The following SYCP2L variants were observed in gnomAD, a reference collection of about 807,000 sequenced individuals.
SYCP2L encodes the protein synaptonemal complex protein 2 like.
A neutral mutation model predicts 125.8 loss-of-function variants in SYCP2L; 98 were observed. The observed-to-expected ratio is 0.78, with a 90% CI of 0.66 to 0.92. The LOEUF is 0.92. Ranked by LOEUF, SYCP2L falls within the 40% of genes least tolerant of loss-of-function variation. SYCP2L has a pLI of 0.00. For synonymous variants in SYCP2L, 317 were observed against 325.4 expected (o/e 0.97, Z 0.28); for missense variants, 842 against 936.4 (o/e 0.90, Z 1.32).
At chr6:10,899,192 G>A (rs1303816338) in intron 6 of SYCP2L, among the ~76,000 whole-genome samples, 2 of 152,216 alleles carry the variant, frequency 1.3e-5, no homozygotes, top group Non-Finnish European at 2.9e-5. Context: ...TTTCAAGAGT[G>A]TAAAAGGTAA....
chr6:10,914,596 T>G (rs934198350), intron 14 of SYCP2L, among the ~76,000 whole-genome samples: 2 of 74,370 alleles, frequency 2.7e-5, no homozygotes, highest in Non-Finnish European at 5.7e-5. Context: ...CTTTTGGCAG[T>G]GTGATCATTT....
chr6:10,952,715 A>G (rs769057612), intron 23 of SYCP2L, among the ~76,000 whole-genome samples: 4 of 152,206 alleles, frequency 2.6e-5, no homozygotes, highest in Admixed American at 2.0e-4. Flanking sequence ...TGACTGCGGT[A>G]TAGACACCAC....
At chr6:10,937,168 A>G (rs947595384) in intron 21 of SYCP2L, among the ~76,000 whole-genome samples, 1 of 152,180 alleles carries the variant, frequency 6.6e-6, no homozygotes, top group African/African-American at 2.4e-5. Flanking sequence ...CGCATGGGAC[A>G]TTCTCCAGAA....
chr6:10,895,934 C>T (rs1780251512), intron 4 of SYCP2L, among the ~76,000 whole-genome samples: 1 of 152,122 alleles, frequency 6.6e-6, no homozygotes, highest in Admixed American at 6.5e-5. Context: ...GGGCAGATCA[C>T]CTGAGGTCAG....
At chr6:10,938,288 TA>T (rs1472420887) in intron 21 of SYCP2L, among the ~76,000 whole-genome samples, 1 of 152,138 alleles carries the variant, frequency 6.6e-6, no homozygotes, top group Non-Finnish European at 1.5e-5. Flanking sequence ...TAAACCACAT[TA>T]AGAGAATGAA....
chr6:10,920,804 A>C (rs1780785475), intron 14 of SYCP2L, among the ~76,000 whole-genome samples: 1 of 151,728 alleles, frequency 6.6e-6, no homozygotes, highest in African/African-American at 2.4e-5. Flanking sequence ...TCATGGAAAG[A>C]AGGTAAATGT....
chr6:10,937,368 G>A lies in SYCP2L; in HGVS notation c.1813+2181G>A, dbSNP rs147644797. Among the ~76,000 whole-genome samples the A allele has an allele frequency of 9.2e-5, 14 of 152,010 alleles. No individual in the cohort carries two copies. The East Asian group carries it at 2.7e-3, about 29-fold the overall frequency. ...ACCAATGGATCAAATAAATTAAAAGGGAAATTAAAAAATCTTGAGATAAAT... is the reference window on the plus strand; with the variant it reads ...ACCAATGGATCAAATAAATTAAAAGAGAAATTAAAAAATCTTGAGATAAAT... On this transcript the variant is annotated intron_variant, in intron 21 of 29. Transcript: ENST00000283141.
At chr6:10,924,706 TC>T in intron 15 of SYCP2L, 65 bp downstream of exon 15, 1 of 1,334,444 alleles carries the variant, frequency 7.5e-7, no homozygotes. Context: ...CTATTAAATG[TC>T]CTTGTTGGGT....
intron 10 of SYCP2L, among the ~76,000 whole-genome samples, chr6:10,908,522 T>C (rs563276772): frequency 6.6e-6 from 1 of 152,338 alleles, no homozygotes; most frequent in Admixed American, 6.5e-5. Flanking sequence ...CTTTGCTGTG[T>C]ATTCACCTTC....
intron 1 of SYCP2L, among the ~76,000 whole-genome samples, chr6:10,890,005 C>G (rs1780148277): frequency 6.6e-6 from 1 of 152,148 alleles, no homozygotes; most frequent in African/African-American, 2.4e-5. Context: ...AGCATAATGT[C>G]CTTCAGGCTC....
chr6:10,887,260 A>T lies in SYCP2L; in HGVS notation c.9+125A>T, dbSNP rs956708100. 3.1e-5 allele frequency: 41 copies of T among 1,312,358 alleles called. No individual in the cohort carries two copies. In the African/African-American group the frequency reaches 5.9e-4, roughly 19 times the overall value. 81.3% of individuals were successfully genotyped at this position (1,312,358 alleles called of 1,614,324 possible). ...CGCTCAGAGACCGGGTGCTGGGCAT[A>T]GTCCCCCGCCACCTCCTTGGGTTTG... On this transcript the variant is annotated intron_variant, in intron 1 of 29. Transcript: ENST00000283141.
chr6:10,958,346 C>T lies in SYCP2L; in HGVS notation c.2164-438C>T, dbSNP rs78390827. Among the ~76,000 whole-genome samples the T allele has an allele frequency of 1.0e-2, 1,519 of 152,088 alleles. 14 individuals carry two copies. Among genetic ancestry groups the T allele is most frequent in the Middle Eastern group, 0.02 (6 of 294 alleles). The stretch of plus-strand genomic sequence containing the variant: ...TGGTGGAAGGCCAAGGGGGAGCAGG[C>T]GTGTCACATAGGGAGAGCAGGAGCA... On this transcript the variant is annotated intron_variant, in intron 25 of 29. Coordinates refer to ENST00000283141, the MANE Select transcript of SYCP2L (RefSeq NM_001040274.3).
At chr6:10,926,141 C>T (rs1384369319) in intron 15 of SYCP2L, among the ~76,000 whole-genome samples, 198 bp from the exon 16 acceptor site, 3 of 152,094 alleles carry the variant, frequency 2.0e-5, no homozygotes, top group African/African-American at 4.8e-5. Flanking sequence ...GAATGGCTAG[C>T]CCGAGCTGGT....
rs1402185704 is a variant in SYCP2L at position 10,926,351 on chromosome 6, C to G, written c.1231C>G (p.Gln411Glu). Residue 411 changes from glutamine (Q) to glutamate (E), a missense_variant, in exon 16 of 30, where the codon CAG becomes GAG. Physicochemically the swap from Gln to Glu is conservative, Grantham distance 29 (BLOSUM62 2). Transcript: ENST00000283141. The stretch of plus-strand genomic sequence containing the variant: ...TCTTGCATTTCAGATGTTGCCTGAC[C>G]AGACGAAAATCTCCTCAGAACTTTT... ...LGEDKQMLPD[Q>E]TKISSELFSK... 1 of 1,613,372 alleles carries G rather than the reference C, an allele frequency of 6.2e-7. No individual in the cohort carries two copies. Among genetic ancestry groups the G allele is most frequent in the South Asian group, 1.1e-5 (1 of 91,012 alleles).
intron 14 of SYCP2L, among the ~76,000 whole-genome samples, chr6:10,917,642 A>G (rs1179117422): frequency 6.6e-6 from 1 of 152,116 alleles, no homozygotes; most frequent in Non-Finnish European, 1.5e-5. Context: ...ATTTACATTC[A>G]ATGTTAGTAT....
chr6:10,922,935 A>T (rs986224994), intron 14 of SYCP2L: 1 of 152,204 alleles, frequency 6.6e-6, no homozygotes, highest in Non-Finnish European at 1.5e-5. Flanking sequence ...TCCTGGAATA[A>T]TAATATCCAG....
intron 14 of SYCP2L, among the ~76,000 whole-genome samples, chr6:10,921,330 G>A (rs1342244846): frequency 2.0e-5 from 3 of 152,106 alleles, no homozygotes; most frequent in Non-Finnish European, 2.9e-5. Flanking sequence ...GAATAGTGCT[G>A]CAATGAACAT....
intron 8 of SYCP2L, among the ~76,000 whole-genome samples, chr6:10,904,386 G>A (rs1780445555): frequency 6.6e-6 from 1 of 152,220 alleles, no homozygotes; most frequent in Non-Finnish European, 1.5e-5. Flanking sequence ...CACATTATTT[G>A]CGTGGTGTGT....
intron 20 of SYCP2L, 105 bp from the exon 21 acceptor site, chr6:10,934,952 TC>T (rs1781066641): frequency 1.4e-5 from 15 of 1,067,602 alleles, no homozygotes; most frequent in Non-Finnish European, 1.8e-5. Flanking sequence ...ATGGAGTAAA[TC>T]TAATACTTAA....
Sources: allele counts gnomAD v4.1 joint callset (sites outside exome capture counted in the v4.1 genomes callset), GRCh38; gene constraint gnomAD v4.1.1; transcripts MANE v1.5; gene names NCBI Gene and HGNC (gene_info 2026-07-23, HGNC 2026-07-21).